The following ARHGAP15 variants were observed in gnomAD, a reference collection of about 807,000 sequenced individuals.
ARHGAP15 encodes the protein Rho GTPase activating protein 15.
ARHGAP15 carries 51 observed loss-of-function variants against 63.7 expected under a neutral mutation model. The ratio of observed to expected loss-of-function variants is 0.80; its 90% CI spans 0.64 to 1.01. The LOEUF (loss-of-function observed/expected upper bound fraction) is 1.01, where lower values mean the gene tolerates loss of function less well. Ranked by LOEUF, ARHGAP15 falls within the 50% of genes least tolerant of loss-of-function variation. The pLI is 0.00. For missense variants in ARHGAP15, 560 were observed against 564.6 expected (o/e 0.99, Z 0.08); for synonymous variants, 191 against 193.8 (o/e 0.99, Z 0.12).
At chr2:143,302,540 A>T (rs1238200832) in intron 6 of ARHGAP15, among the ~76,000 whole-genome samples, 1 of 152,022 alleles carries the variant, frequency 6.6e-6, no homozygotes, top group Non-Finnish European at 1.5e-5. Context: ...AGTGGCACAG[A>T]TATATGGAAG....
Position 143,202,168 on chromosome 2 carries a change from T to C in ARHGAP15, c.200T>C (p.Ile67Thr), listed in dbSNP as rs1336403380. The change falls in exon 3 of 14, where the codon ATC becomes ACC. Residue 67 changes from isoleucine to threonine, a missense_variant. Physicochemically the swap from Ile to Thr is moderately conservative, Grantham distance 89 (BLOSUM62 -1). Transcript: ENST00000295095. ...CACAGAAGGAATCATTCACAGCATA[T>C]CTTGAAAGATGTCATTCCTCCATTG... ...SRHRRNHSQHILKDVIPPLEQ... is the reference protein window; with the variant it reads ...SRHRRNHSQHTLKDVIPPLEQ... The C allele has an allele frequency of 6.2e-7, 1 of 1,612,300 alleles. No individual in the cohort carries two copies. The highest frequency in any genetic ancestry group is 2.2e-5 in the East Asian group (1 of 44,852).
At chr2:143,713,028 G>A (rs765254023) in intron 13 of ARHGAP15, among the ~76,000 whole-genome samples, 18 of 152,116 alleles carry the variant, frequency 1.2e-4, no homozygotes, top group African/African-American at 1.9e-4. Flanking sequence ...AAATGGAATC[G>A]CGTTACTTCA....
intron 8 of ARHGAP15, among the ~76,000 whole-genome samples, chr2:143,471,110 T>TAC (rs1207206934): frequency 1.3e-5 from 2 of 148,448 alleles, no homozygotes; most frequent in Non-Finnish European, 3.0e-5. Context: ...TGTGTATATA[T>TAC]ACACACATAT....
At chr2:143,496,664 A>G (rs535815504) in intron 9 of ARHGAP15, among the ~76,000 whole-genome samples, 2 of 152,316 alleles carry the variant, frequency 1.3e-5, no homozygotes, top group South Asian at 4.1e-4. Flanking sequence ...AGTTCCTTTA[A>G]ATTACATTTC....
chr2:143,471,780 G>A (rs887262506), intron 8 of ARHGAP15, among the ~76,000 whole-genome samples: 1 of 152,176 alleles, frequency 6.6e-6, no homozygotes. Context: ...CTGATAAGAA[G>A]TGTAACCAAT....
At chr2:143,273,978 A>G (rs1331254089) in intron 6 of ARHGAP15, among the ~76,000 whole-genome samples, 1 of 152,126 alleles carries the variant, frequency 6.6e-6, no homozygotes, top group Non-Finnish European at 1.5e-5. Flanking sequence ...CTGGGAAAAT[A>G]TCTGAATTTG....
intron 4 of ARHGAP15, among the ~76,000 whole-genome samples, chr2:143,226,625 C>G (rs1693223929): frequency 6.6e-6 from 1 of 152,164 alleles, no homozygotes; most frequent in Admixed American, 6.5e-5. Flanking sequence ...AAAATGGGCA[C>G]TAGGGCAGAA....
intron 6 of ARHGAP15, among the ~76,000 whole-genome samples, chr2:143,399,823 T>G (rs1311571148): frequency 1.3e-5 from 2 of 152,056 alleles, no homozygotes; most frequent in Non-Finnish European, 2.9e-5. Flanking sequence ...CCTTTTCCTC[T>G]ATCAGATAAG....
At chr2:143,741,469 TTC>T (rs1431137874) in intron 13 of ARHGAP15, among the ~76,000 whole-genome samples, 1 of 152,248 alleles carries the variant, frequency 6.6e-6, no homozygotes, top group African/African-American at 2.4e-5. Flanking sequence ...TGAATTTTTT[TTC>T]TGAGTGAAGA....
intron 5 of ARHGAP15, among the ~76,000 whole-genome samples, chr2:143,246,400 T>C (rs1049717161): frequency 1.3e-5 from 2 of 151,858 alleles, no homozygotes; most frequent in Non-Finnish European, 2.9e-5. Flanking sequence ...ACAAGGGCTG[T>C]GATCTCCATG....
At chr2:143,638,683 AT>A (rs1421626144) in intron 12 of ARHGAP15, among the ~76,000 whole-genome samples, 7 of 110,608 alleles carry the variant, frequency 6.3e-5, no homozygotes, top group African/African-American at 1.9e-4. Context: ...AGAAAAAAAA[AT>A]ATTAAAAAAA....
chr2:143,351,137 C>G (rs181427222), intron 6 of ARHGAP15: 31 of 152,240 alleles, frequency 2.0e-4, no homozygotes, highest in African/African-American at 6.7e-4. Flanking sequence ...AAGTATGCTT[C>G]TGACAATAAC....
intron 8 of ARHGAP15, among the ~76,000 whole-genome samples, chr2:143,439,460 C>G (rs1444278083): frequency 1.4e-4 from 10 of 70,408 alleles, no homozygotes. Context: ...GGAAGAGATA[C>G]ATGATTTATT....
chr2:143,215,374 G>C (rs139342369), intron 3 of ARHGAP15, among the ~76,000 whole-genome samples: 1 of 152,292 alleles, frequency 6.6e-6, no homozygotes, highest in African/African-American at 2.4e-5. Flanking sequence ...CCACACAGCT[G>C]TGATTATAGA....
At chr2:143,174,418 A>G (rs1690927198) in intron 2 of ARHGAP15, among the ~76,000 whole-genome samples, 1 of 152,244 alleles carries the variant, frequency 6.6e-6, no homozygotes, top group Admixed American at 6.6e-5. Flanking sequence ...ATTGGCAAAC[A>G]CTAACTGAGC....
chr2:143,604,189 C>T (rs555860503), intron 11 of ARHGAP15, among the ~76,000 whole-genome samples: 1 of 152,338 alleles, frequency 6.6e-6, no homozygotes, highest in African/African-American at 2.4e-5. Flanking sequence ...GAGGGACCTA[C>T]TCTTTTGATC....
At chr2:143,344,763 AAGAC>A (rs1253351894) in intron 6 of ARHGAP15, among the ~76,000 whole-genome samples, 15 of 152,142 alleles carry the variant, frequency 9.9e-5, no homozygotes, top group African/African-American at 3.6e-4. Flanking sequence ...GAGAGGAGTG[AAGAC>A]CAGCAAGATC....
intron 9 of ARHGAP15, among the ~76,000 whole-genome samples, chr2:143,500,437 G>A (rs919313593): frequency 2.0e-5 from 3 of 151,962 alleles, no homozygotes; most frequent in East Asian, 1.9e-4. Context: ...CCCCACATAT[G>A]TAGCAAATAT....
chr2:143,566,596 T>C (rs1176345111), intron 11 of ARHGAP15, among the ~76,000 whole-genome samples: 3 of 152,140 alleles, frequency 2.0e-5, no homozygotes, highest in African/African-American at 4.8e-5. Context: ...CCTCACTGTG[T>C]AGCTCTCTTC....
Sources: allele counts gnomAD v4.1 joint callset (sites outside exome capture counted in the v4.1 genomes callset), GRCh38; gene constraint gnomAD v4.1.1; transcripts MANE v1.5; gene names NCBI Gene and HGNC (gene_info 2026-07-23, HGNC 2026-07-21).